SEPTIN11: variants seen among roughly 807,000 people sequenced by gnomAD.
SEPTIN11 encodes septin-11.
SEPTIN11 carries 25 observed loss-of-function variants against 51.4 expected under a neutral mutation model. The ratio of observed to expected loss-of-function variants is 0.49; its 90% CI spans 0.35 to 0.68. SEPTIN11 has a LOEUF of 0.68. SEPTIN11 is among the 30% of genes least tolerant of loss of function. The pLI is 0.00. For missense variants in SEPTIN11, 381 were observed against 520.8 expected (o/e 0.73, Z 2.61); for synonymous variants, 174 against 184.1 (o/e 0.95, Z 0.44).
At position 77,037,020 on chromosome 4, in the gene SEPTIN11, G is replaced by T; in HGVS notation, c.*2508G>T. 3.2e-6 allele frequency: 4 copies of T among 1,237,898 alleles called. No homozygotes were observed. Among genetic ancestry groups the T allele is most frequent in the Non-Finnish European group, 4.0e-6 (4 of 993,424 alleles). The allele number at this position is 1,237,898 out of a possible 1,614,324, so 76.7% of individuals were successfully genotyped here. Reference sequence around the variant, plus strand: ...GGCCACATTTATATTTTTTTCACAAGAACCACATAATAAATTCCACTTCTT... The same window carrying T: ...GGCCACATTTATATTTTTTTCACAATAACCACATAATAAATTCCACTTCTT... On this transcript the variant is annotated 3_prime_UTR_variant, in exon 10 of 10. Coordinates refer to ENST00000264893, the MANE Select transcript of SEPTIN11 (RefSeq NM_018243.4).
At position 77,037,560 on chromosome 4, in the gene SEPTIN11, A is replaced by G; in HGVS notation, c.*3048A>G. The G allele has an allele frequency of 6.1e-6, 6 of 985,376 alleles. No individual in the cohort carries two copies. Among genetic ancestry groups the G allele is most frequent in the Non-Finnish European group, 7.2e-6 (6 of 829,896 alleles). 61.0% of individuals were successfully genotyped at this position (985,376 alleles called of 1,614,324 possible). A position where few individuals can be genotyped will look rare whatever the true frequency, so the allele number is the denominator to read the frequency against. On this transcript the variant is annotated 3_prime_UTR_variant, in exon 10 of 10. Transcript: ENST00000264893. The stretch of plus-strand genomic sequence containing the variant: ...CCACTTAATTTTTTAATCTTAGTTT[A>G]ATGGTCTCTCCCTGGTGCTAACTGC...
In SEPTIN11 at chr4:76,996,135, C is replaced by A. The variant is rs115253857; in HGVS notation, c.28-290C>A. On this transcript the variant is annotated intron_variant, in intron 1 of 9. Coordinates refer to ENST00000264893, the MANE Select transcript of SEPTIN11 (RefSeq NM_018243.4). ...GTTTTTTTGGTCACTTAATGCATATCTGAAATAGTCACCTCTAGAAGCTCA... is the reference window on the plus strand; with the variant it reads ...GTTTTTTTGGTCACTTAATGCATATATGAAATAGTCACCTCTAGAAGCTCA... Among the ~76,000 whole-genome samples the A allele has an allele frequency of 3.7e-3, 556 of 152,256 alleles. 3 individuals are homozygous for A. Among genetic ancestry groups the A allele is most frequent in the African/African-American group, 0.013 (523 of 41,540 alleles).
intron 1 of SEPTIN11, among the ~76,000 whole-genome samples, chr4:76,955,733 C>T (rs930001892): frequency 2.0e-5 from 3 of 151,926 alleles, no homozygotes; most frequent in African/African-American, 4.8e-5. Context: ...CAAATTGAAC[C>T]CTTAAAGAAT....
chr4:76,998,314 T>G (rs1361046355), intron 2 of SEPTIN11, among the ~76,000 whole-genome samples: 1 of 152,202 alleles, frequency 6.6e-6, no homozygotes, highest in Non-Finnish European at 1.5e-5. Flanking sequence ...GATAACACTG[T>G]GGGATCCTTC....
At chr4:76,992,414 A>T (rs1723430441) in intron 1 of SEPTIN11, among the ~76,000 whole-genome samples, 1 of 152,206 alleles carries the variant, frequency 6.6e-6, no homozygotes, top group African/African-American at 2.4e-5. Flanking sequence ...TTTCAGTTTC[A>T]TGAGATAGCA....
chr4:76,956,993 T>TGTGTGAGTGA (rs769320568), intron 1 of SEPTIN11, among the ~76,000 whole-genome samples: 1 of 98,488 alleles, frequency 1.0e-5, no homozygotes, highest in African/African-American at 3.3e-5. Context: ...TGTGTGTGTG[T>TGTGTGAGTGA]GAGAGAGAGA....
intron 2 of SEPTIN11, among the ~76,000 whole-genome samples, chr4:77,002,014 C>T (rs942754659): frequency 6.6e-5 from 10 of 152,164 alleles, no homozygotes; most frequent in African/African-American, 2.4e-4. Context: ...TTCCCTAGTT[C>T]TTCTAGAGTT....
intron 1 of SEPTIN11, 91 bp from the exon 2 acceptor site, chr4:76,996,334 G>A: frequency 3.1e-6 from 3 of 972,072 alleles, no homozygotes; most frequent in Middle Eastern, 4.2e-4. Flanking sequence ...TATGTCAAGG[G>A]AAGAAGAAGA....
chr4:77,014,933 G>C lies in SEPTIN11; in HGVS notation c.603G>C (p.Met201Ile). Residue 201 changes from methionine to isoleucine, a missense_variant, in exon 5 of 10, where the codon ATG (methionine) becomes ATC (isoleucine). By Grantham distance (10) the Met-to-Ile change is conservative. Coordinates refer to ENST00000264893, the MANE Select transcript of SEPTIN11 (RefSeq NM_018243.4). ...TGCACAAATTCAAGAGTAAGATCAT[G>C]AGTGAACTGGTCAGCAATGGGGTCC... ...NELHKFKSKI[M>I]SELVSNGVQI... is the part of the protein sequence containing the mutation. The C allele has an allele frequency of 6.2e-7, 1 of 1,614,178 alleles. No individual in the cohort carries two copies. Among genetic ancestry groups the C allele is most frequent in the Non-Finnish European group, 8.5e-7 (1 of 1,180,016 alleles).
intron 1 of SEPTIN11, among the ~76,000 whole-genome samples, chr4:76,980,207 T>C (rs1373212482): frequency 2.6e-5 from 4 of 152,208 alleles, no homozygotes; most frequent in African/African-American, 9.7e-5. Context: ...AAGATAGTGA[T>C]CTACTTTTCC....
chr4:76,952,189 G>GACAC (rs1321542221), intron 1 of SEPTIN11, among the ~76,000 whole-genome samples: 1 of 150,830 alleles, frequency 6.6e-6, no homozygotes, highest in Non-Finnish European at 1.5e-5. Flanking sequence ...AGACTCTTGA[G>GACAC]ACACAGCTCC....
At chr4:76,969,591 G>T (rs538513144) in intron 1 of SEPTIN11, among the ~76,000 whole-genome samples, 1 of 152,108 alleles carries the variant, frequency 6.6e-6, no homozygotes, top group African/African-American at 2.4e-5. Flanking sequence ...GTATCCATGC[G>T]AATTTTTCTT....
intron 4 of SEPTIN11, among the ~76,000 whole-genome samples, chr4:77,014,041 G>A (rs1725053065): frequency 6.6e-6 from 1 of 152,166 alleles, no homozygotes; most frequent in African/African-American, 2.4e-5. Context: ...GTGCTCTGGG[G>A]TATCCTTGGC....
chr4:76,952,985 C>G (rs1721409705), intron 1 of SEPTIN11, among the ~76,000 whole-genome samples: 1 of 152,180 alleles, frequency 6.6e-6, no homozygotes, highest in Non-Finnish European at 1.5e-5. Context: ...TTTAAAAACT[C>G]TAGGAGTTGA....
rs774388534 is a variant in SEPTIN11 at position 77,038,064 on chromosome 4, T to C, written c.*3552T>C. 6.1e-6 allele frequency: 6 copies of C among 985,892 alleles called. No individual in the cohort carries two copies. Among genetic ancestry groups the C allele is most frequent in the Middle Eastern group, 5.2e-4 (1 of 1,914 alleles). The allele number at this position is 985,892 out of a possible 1,614,324, so 61.1% of individuals were successfully genotyped here. A position where few individuals can be genotyped will look rare whatever the true frequency, so the allele number is the denominator to read the frequency against. ...TGTCTCTGTGTGGTCCTACAAAAAC[T>C]GTCCATTCCCACCCCTTTGCTTTGC... is the stretch of plus-strand genomic sequence containing the variant. On this transcript the variant is annotated 3_prime_UTR_variant, in exon 10 of 10. Coordinates refer to ENST00000264893, the MANE Select transcript of SEPTIN11 (RefSeq NM_018243.4).
At chr4:77,021,030 C>G (rs1420269095) in intron 7 of SEPTIN11, 1 of 180,852 alleles carries the variant, frequency 5.5e-6, no homozygotes, top group Non-Finnish European at 1.1e-5. Context: ...AGAGCCTGGT[C>G]GATATATTTA....
At chr4:76,961,882 G>A (rs1192024020) in intron 1 of SEPTIN11, among the ~76,000 whole-genome samples, 1 of 152,092 alleles carries the variant, frequency 6.6e-6, no homozygotes, top group African/African-American at 2.4e-5. Flanking sequence ...TATGCTTACT[G>A]GGTCAGTAGT....
At position 77,003,736 on chromosome 4, in the gene SEPTIN11, A is replaced by G. The variant is rs372074723; in HGVS notation, c.143-1865A>G. Reference sequence around the variant, plus strand: ...CCTTCACTTTTGTATTATGTTAGAAAGCAATGAGTATACAATACAGAATTT... The same window carrying G: ...CCTTCACTTTTGTATTATGTTAGAAGGCAATGAGTATACAATACAGAATTT... On this transcript the variant is annotated intron_variant, in intron 2 of 9. Coordinates refer to ENST00000264893, the MANE Select transcript of SEPTIN11 (RefSeq NM_018243.4). Among the ~76,000 whole-genome samples, 32 of 152,364 alleles carry G rather than the reference A, an allele frequency of 2.1e-4. No individual in the cohort carries two copies. The South Asian group carries it at 6.6e-3, about 32-fold the overall frequency.
chr4:76,983,513 C>G (rs920767173), intron 1 of SEPTIN11, among the ~76,000 whole-genome samples: 14 of 152,168 alleles, frequency 9.2e-5, no homozygotes, highest in African/African-American at 3.4e-4. Context: ...CGTGTGATAA[C>G]CCAGGCAGAA....
Sources: allele counts gnomAD v4.1 joint callset (sites outside exome capture counted in the v4.1 genomes callset), GRCh38; gene constraint gnomAD v4.1.1; transcripts MANE v1.5; gene names NCBI Gene and HGNC (gene_info 2026-07-23, HGNC 2026-07-21).